Variants in B3GALNT2 observed in about 807,000 individuals in gnomAD.
B3GALNT2 encodes the protein UDP-GalNAc:beta-1,3-N-acetylgalactosaminyltransferase 2.
A neutral mutation model predicts 61.1 loss-of-function variants in B3GALNT2; 53 were observed. The ratio of observed to expected loss-of-function variants is 0.87; its 90% CI spans 0.70 to 1.09. The LOEUF (loss-of-function observed/expected upper bound fraction) is 1.09, where lower values mean the gene tolerates loss of function less well. Among genes scored for constraint, B3GALNT2 ranks in the 50% least tolerant of loss-of-function variants. The pLI is 0.00. For missense variants in B3GALNT2, 544 were observed against 623.0 expected (o/e 0.87, Z 1.35); for synonymous variants, 223 against 237.4 (o/e 0.94, Z 0.56).
chr1:235,466,448 G>C (rs1245184950), intron 6 of B3GALNT2, among the ~76,000 whole-genome samples: 1 of 151,954 alleles, frequency 6.6e-6, no homozygotes, highest in African/African-American at 2.4e-5. Flanking sequence ...TTCTAGCCTT[G>C]AACATACAAT....
At chr1:235,489,460 T>C (rs900255006) in intron 2 of B3GALNT2, among the ~76,000 whole-genome samples, 192 bp from the exon 3 acceptor site, 19 of 121,654 alleles carry the variant, frequency 1.6e-4, no homozygotes, top group African/African-American at 8.9e-5. Context: ...AAGTTACTTA[T>C]GCATGAGTCC....
intron 1 of B3GALNT2, among the ~76,000 whole-genome samples, chr1:235,497,470 G>A (rs931825232): frequency 4.6e-5 from 7 of 151,908 alleles, no homozygotes; most frequent in Non-Finnish European, 8.8e-5. Flanking sequence ...AAAGCTGTAG[G>A]GCAAAAATCA....
downstream of B3GALNT2, among the ~76,000 whole-genome samples, chr1:235,443,185 CATAT>C (rs1553340612): frequency 1.4e-5 from 2 of 139,748 alleles, no homozygotes; most frequent in African/African-American, 5.0e-5. Flanking sequence ...CACACACACA[CATAT>C]ATATATACAC....
chr1:235,441,602 G>T, the B3GALNT2 span: 42 of 577,882 alleles, frequency 7.3e-5, no homozygotes, highest in African/African-American at 7.5e-4. Flanking sequence ...AAGCTACAGA[G>T]TCTGCAGCTC....
In B3GALNT2 at chr1:235,448,528, T is replaced by G. The variant is rs1470828068; in HGVS notation, c.*1678A>C. The stretch of plus-strand genomic sequence containing the variant: ...CTGTCTCTAGATAGCAACAGTTTGA[T>G]TCTAAATGGAGACCATGGGTCTGTT... On this transcript the variant is annotated 3_prime_UTR_variant, in exon 12 of 12. Transcript: ENST00000366600. 2 of 1,439,204 alleles carry G rather than the reference T, an allele frequency of 1.4e-6. No homozygotes were observed. The highest frequency in any genetic ancestry group is 2.8e-5 in the African/African-American group (2 of 71,426). The allele number at this position is 1,439,204 out of a possible 1,614,324, so 89.2% of individuals were successfully genotyped here.
chr1:235,445,891 A>G (rs1175810297), downstream of B3GALNT2, among the ~76,000 whole-genome samples: 4 of 152,242 alleles, frequency 2.6e-5, no homozygotes, highest in Non-Finnish European at 5.9e-5. Context: ...GTGGAACCAC[A>G]CAGCACACAA....
At chr1:235,485,763 AC>A (rs1049543416) in intron 3 of B3GALNT2, among the ~76,000 whole-genome samples, 6 of 152,242 alleles carry the variant, frequency 3.9e-5, no homozygotes, top group Non-Finnish European at 8.8e-5. Context: ...TTTGCTGACT[AC>A]ACAACACCAT....
downstream of B3GALNT2, among the ~76,000 whole-genome samples, chr1:235,443,814 G>C (rs930696035): frequency 8.5e-5 from 13 of 152,108 alleles, no homozygotes; most frequent in African/African-American, 2.9e-4. Flanking sequence ...AAAAATTGTG[G>C]TACTGGAACT....
At chr1:235,480,821 G>A (rs1274402869) in intron 4 of B3GALNT2, among the ~76,000 whole-genome samples, 5 of 141,812 alleles carry the variant, frequency 3.5e-5, no homozygotes, top group African/African-American at 5.3e-5. Flanking sequence ...CAGGAGAATC[G>A]CTTGAACCCA....
chr1:235,442,035 T>C, the B3GALNT2 span, among the ~76,000 whole-genome samples: 27 of 149,400 alleles, frequency 1.8e-4, no homozygotes, highest in African/African-American at 6.7e-4. Context: ...TGAGACAGAG[T>C]CTCCCTCTGT....
Position 235,458,564 on chromosome 1 carries a change from T to C in B3GALNT2, c.1025+39A>G, listed in dbSNP as rs768593913. 2.0e-6 allele frequency: 3 copies of C among 1,521,254 alleles called. No homozygotes were observed. The Admixed American group carries it at 6.7e-5, about 34-fold the overall frequency. The allele number at this position is 1,521,254 out of a possible 1,614,324, so 94.2% of individuals were successfully genotyped here. A position where few individuals can be genotyped will look rare whatever the true frequency, so the allele number is the denominator to read the frequency against. On this transcript the variant is annotated intron_variant, in intron 8 of 11. Transcript: ENST00000366600. ...ATCTCAAAAAAAAAAAAACTAACAA[T>C]AAAACAAGTTCTAGCTACCCAACAT...
chr1:235,477,483 A>G (rs1684341057), intron 5 of B3GALNT2, among the ~76,000 whole-genome samples: 1 of 152,252 alleles, frequency 6.6e-6, no homozygotes, highest in Admixed American at 6.5e-5. Flanking sequence ...AACAGACTCC[A>G]TAAAACTGCG....
chr1:235,455,733 C>A (rs907067176), intron 8 of B3GALNT2, 49 bp from the exon 9 acceptor site: 1 of 1,555,174 alleles, frequency 6.4e-7, no homozygotes. Context: ...AACAAACAAA[C>A]ACCAATGCAG....
chr1:235,493,450 A>G (rs955314748), intron 2 of B3GALNT2, among the ~76,000 whole-genome samples: 11 of 152,176 alleles, frequency 7.2e-5, no homozygotes, highest in African/African-American at 2.7e-4. Flanking sequence ...AAGGAATGAA[A>G]GCTACTATGA....
chr1:235,444,546 G>T (rs1371543888), downstream of B3GALNT2, among the ~76,000 whole-genome samples: 1 of 152,102 alleles, frequency 6.6e-6, no homozygotes, highest in Non-Finnish European at 1.5e-5. Context: ...TGGGACTATA[G>T]GCACGAACCA....
intron 7 of B3GALNT2, 159 bp downstream of exon 7, chr1:235,465,477 C>CT (rs1308145722): frequency 8.6e-7 from 1 of 1,164,366 alleles, no homozygotes; most frequent in African/African-American, 1.6e-5. Context: ...TTGTAGAACT[C>CT]TAAGAATACA....
intron 1 of B3GALNT2, among the ~76,000 whole-genome samples, chr1:235,496,468 T>C (rs1055612285): frequency 6.6e-6 from 1 of 152,192 alleles, no homozygotes; most frequent in Non-Finnish European, 1.5e-5. Context: ...GCCATATTTA[T>C]TGAACAGTTA....
chr1:235,473,037 C>A (rs1414285313), intron 5 of B3GALNT2, among the ~76,000 whole-genome samples: 1 of 152,164 alleles, frequency 6.6e-6, no homozygotes, highest in Admixed American at 6.5e-5. Context: ...GCCTCAGCCT[C>A]CCAAGTAGCT....
intron 9 of B3GALNT2, among the ~76,000 whole-genome samples, chr1:235,455,054 C>T (rs1683098643): frequency 6.6e-6 from 1 of 152,152 alleles, no homozygotes; most frequent in South Asian, 2.1e-4. Context: ...ATTGTTTTCC[C>T]TCCTTTACTA....
Sources: gnomAD v4.1 joint callset for allele counts (sites outside exome capture counted in the v4.1 genomes callset) on GRCh38, gnomAD v4.1.1 for gene constraint, MANE v1.5 for transcripts, NCBI Gene and HGNC (gene_info 2026-07-23, HGNC 2026-07-21) for gene names.